Variants in SLC9A1 observed in about 807,000 individuals in gnomAD.
SLC9A1 encodes solute carrier family 9 member A1.
SLC9A1 carries 22 observed loss-of-function variants against 67.9 expected under a neutral mutation model. The ratio of observed to expected loss-of-function variants is 0.32; its 90% CI spans 0.23 to 0.46. SLC9A1 has a LOEUF of 0.46. Among genes scored for constraint, SLC9A1 ranks in the 20% least tolerant of loss-of-function variants. SLC9A1 has a pLI of 1.00. For synonymous variants in SLC9A1, 421 were observed against 471.8 expected, an observed-to-expected ratio of 0.89 and a Z score of 1.40; for missense variants, 686 against 1,094.8, an observed-to-expected ratio of 0.63 and a Z score of 5.27.
chr1:27,153,702 C>T (rs143245196), intron 1 of SLC9A1, among the ~76,000 whole-genome samples: 27 of 152,318 alleles, frequency 1.8e-4, no homozygotes, highest in African/African-American at 4.3e-4. Flanking sequence ...ACTTGCCAGT[C>T]GTGGAAGCCT....
intron 1 of SLC9A1, among the ~76,000 whole-genome samples, chr1:27,117,034 G>A (rs1213814709): frequency 3.9e-5 from 6 of 151,954 alleles, no homozygotes; most frequent in African/African-American, 1.5e-4. Flanking sequence ...GGAATCTTCT[G>A]GTGCTTCCCT....
At position 27,114,101 on chromosome 1, in the gene SLC9A1, G is replaced by T; in HGVS notation, c.538C>A (p.Arg180=). The change falls in exon 2 of 12, where the codon CGG becomes AGG. Residue 180 remains arginine, a synonymous_variant. Transcript: ENST00000263980. The surrounding 1 kb of genome is among the most constrained non-coding windows in gnomAD (Gnocchi z 5.4). Reference sequence around the variant, plus strand: ...GTGCCCAGGTTTTCTGTGAACTGCCGCAGTGGCAGGAAGTAGCCCGCATCC... The same window carrying T: ...GTGCCCAGGTTTTCTGTGAACTGCCTCAGTGGCAGGAAGTAGCCCGCATCC... ...ILDAGYFLPL[R]QFTENLGTIL... is the part of the protein sequence containing the mutation. 6.2e-7 allele frequency: 1 copy of T among 1,614,158 alleles called. No homozygotes were observed. Among genetic ancestry groups the T allele is most frequent in the African/African-American group, 1.3e-5 (1 of 75,054 alleles).
At chr1:27,125,307 G>A (rs377387008) in intron 1 of SLC9A1, among the ~76,000 whole-genome samples, 59 of 133,894 alleles carry the variant, frequency 4.4e-4, no homozygotes, top group African/African-American at 1.5e-3. Flanking sequence ...GTGCAGTGGC[G>A]CAATCTTGGC....
chr1:27,121,400 C>T (rs2083303512), intron 1 of SLC9A1, among the ~76,000 whole-genome samples: 1 of 152,158 alleles, frequency 6.6e-6, no homozygotes, highest in South Asian at 2.1e-4. Flanking sequence ...ATGAGCTTTG[C>T]GTAAATCACT....
chr1:27,108,737 G>A (rs946020162), intron 3 of SLC9A1, among the ~76,000 whole-genome samples: 9 of 152,152 alleles, frequency 5.9e-5, no homozygotes, highest in African/African-American at 2.2e-4. Flanking sequence ...CTGCCTGCAG[G>A]CAGCAAAGCC....
chr1:27,154,318 C>T lies in SLC9A1; in HGVS notation c.17G>A (p.Gly6Asp). ...CCGATGTGGAGAGAGGCCACAGATGCCAGACCGCAGAACCATGGTGCTGCT... is the reference window on the plus strand; with the variant it reads ...CCGATGTGGAGAGAGGCCACAGATGTCAGACCGCAGAACCATGGTGCTGCT... MVLRS[G>D]ICGLSPHRIF... Residue 6 changes from glycine to aspartate, a missense_variant, in exon 1 of 12, where the codon GGC becomes GAC. Physicochemically the swap from Gly to Asp is moderately conservative, Grantham distance 94 (BLOSUM62 -1). Coordinates refer to ENST00000263980, the MANE Select transcript of SLC9A1 (RefSeq NM_003047.5). 6.3e-7 allele frequency: 1 copy of T among 1,595,250 alleles called. No individual in the cohort carries two copies. Among genetic ancestry groups the T allele is most frequent in the Non-Finnish European group, 8.6e-7 (1 of 1,168,754 alleles).
chr1:27,101,919 G>T lies in SLC9A1; in HGVS notation c.1936-93C>A. The T allele has an allele frequency of 7.1e-7, 1 of 1,413,008 alleles. No homozygotes were observed. Among genetic ancestry groups the T allele is most frequent in the Non-Finnish European group, 1.0e-6 (1 of 1,002,116 alleles). 87.5% of individuals were successfully genotyped at this position (1,413,008 alleles called of 1,614,324 possible). A position where few individuals can be genotyped will look rare whatever the true frequency, so the allele number is the denominator to read the frequency against. ...GTGCTGGAGGCCGGGCCAGTCCTGG[G>T]GTGGGTGCCGAGGGGCACGGGCAGG... On this transcript the variant is annotated intron_variant, in intron 9 of 11. Coordinates refer to ENST00000263980, the MANE Select transcript of SLC9A1 (RefSeq NM_003047.5). The surrounding 1 kb of genome is among the most constrained non-coding windows in gnomAD (Gnocchi z 4.9).
At chr1:27,113,706 G>T in intron 2 of SLC9A1, 120 bp downstream of exon 2, 2 of 773,224 alleles carry the variant, frequency 2.6e-6, no homozygotes, top group Non-Finnish European at 4.3e-6. Context: ...CATACGGGAA[G>T]CGGGAATGTG....
At chr1:27,132,357 G>T (rs549629523) in intron 1 of SLC9A1, among the ~76,000 whole-genome samples, 11 of 152,234 alleles carry the variant, frequency 7.2e-5, no homozygotes, top group African/African-American at 2.6e-4. Flanking sequence ...CTTTCAGGAA[G>T]TGACACTCTG....
chr1:27,135,525 G>GGAA (rs1553119965), intron 1 of SLC9A1, among the ~76,000 whole-genome samples: 4 of 110,016 alleles, frequency 3.6e-5, no homozygotes, highest in African/African-American at 1.0e-4. Flanking sequence ...CTTTTTTCTG[G>GGAA]AAAAAAAAAA....
At chr1:27,150,375 C>T (rs1022257066) in intron 1 of SLC9A1, among the ~76,000 whole-genome samples, 3 of 152,206 alleles carry the variant, frequency 2.0e-5, no homozygotes, top group Admixed American at 6.5e-5. Flanking sequence ...GCTCCCGGGC[C>T]TCTGCCAGGC....
chr1:27,132,170 A>G (rs2083390762), intron 1 of SLC9A1, among the ~76,000 whole-genome samples: 1 of 151,846 alleles, frequency 6.6e-6, no homozygotes, highest in Non-Finnish European at 1.5e-5. Context: ...TCCTCATACG[A>G]GCCACAGAGA....
intron 1 of SLC9A1, among the ~76,000 whole-genome samples, chr1:27,147,611 T>A (rs1258810279): frequency 6.6e-6 from 1 of 152,062 alleles, no homozygotes; most frequent in African/African-American, 2.4e-5. Context: ...AAAACCAGCC[T>A]GGACAACAAA....
chr1:27,100,220 G>C lies in SLC9A1; in HGVS notation c.*87C>G. On this transcript the variant is annotated 3_prime_UTR_variant, in exon 12 of 12. Transcript: ENST00000263980. This position sits in a 1 kb window ranked among gnomAD's most constrained non-coding sequence, Gnocchi z 5.6. The stretch of plus-strand genomic sequence containing the variant: ...AGGGGGAGGGGCAGGGCCAATCCGG[G>C]TCAGGAAGGGCAAGGGGAGCCCCCA... 9.7e-7 allele frequency: 1 copy of C among 1,034,200 alleles called. No homozygotes were observed. Among genetic ancestry groups the C allele is most frequent in the Non-Finnish European group, 1.4e-6 (1 of 734,632 alleles). The allele number at this position is 1,034,200 out of a possible 1,614,324, so 64.1% of individuals were successfully genotyped here. A position where few individuals can be genotyped will look rare whatever the true frequency, so the allele number is the denominator to read the frequency against.
intron 1 of SLC9A1, among the ~76,000 whole-genome samples, chr1:27,129,497 AG>A (rs1221492610): frequency 6.6e-6 from 1 of 152,202 alleles, no homozygotes; most frequent in African/African-American, 2.4e-5. Flanking sequence ...TCCTGGTGCC[AG>A]GAAGGCCCAG....
chr1:27,153,484 G>C (rs1458555391), intron 1 of SLC9A1, among the ~76,000 whole-genome samples: 4 of 152,170 alleles, frequency 2.6e-5, no homozygotes, highest in Admixed American at 2.6e-4. Flanking sequence ...TAAGTTTCCT[G>C]TGCCCAGGTC....
chr1:27,117,854 C>T (rs928662402), intron 1 of SLC9A1, among the ~76,000 whole-genome samples: 78 of 152,234 alleles, frequency 5.1e-4, no homozygotes, highest in African/African-American at 1.8e-3. Flanking sequence ...AGTCAAAGCT[C>T]GGTATTTTCT....
Position 27,107,707 on chromosome 1 carries a change from TG to T in SLC9A1, c.1222del (p.His408ThrfsTer25). ...LGVSTVAGSH[H>X]WNWTFVISTL... ...GCTGATGACGAAGGTCCAGTTCCAGTGGTGGGAGCCGGCCACCGTGGAGACG... is the reference window on the plus strand; with the variant it reads ...GCTGATGACGAAGGTCCAGTTCCAGTGTGGGAGCCGGCCACCGTGGAGACG... On this transcript the variant is annotated frameshift_variant, in exon 4 of 12. Coordinates refer to ENST00000263980, the MANE Select transcript of SLC9A1 (RefSeq NM_003047.5). LOFTEE classifies it high-confidence loss of function. 6.3e-7 allele frequency: 1 copy of T among 1,575,816 alleles called. No homozygotes were observed. Among genetic ancestry groups the T allele is most frequent in the Non-Finnish European group, 8.6e-7 (1 of 1,161,382 alleles).
Position 27,154,452 on chromosome 1 carries a change from T to C in SLC9A1, c.-118A>G. ...TGGCGTAGTCTCTAGGAAAAGTTCA[T>C]GTTTTAGAGAGGCATTTCCATGGAA... On this transcript the variant is annotated 5_prime_UTR_variant, in exon 1 of 12. The change abolishes an upstream ATG in the 5' untranslated region. Transcript: ENST00000263980. 1.6e-6 allele frequency: 1 copy of C among 608,592 alleles called. No homozygotes were observed. The highest frequency in any genetic ancestry group is 2.7e-6 in the Non-Finnish European group (1 of 371,568). The allele number at this position is 608,592 out of a possible 1,614,324, so 37.7% of individuals were successfully genotyped here.
Sources: allele counts gnomAD v4.1 joint callset (sites outside exome capture counted in the v4.1 genomes callset), GRCh38; gene constraint gnomAD v4.1.1; non-coding constraint Gnocchi (gnomAD v3.1); transcripts MANE v1.5; gene names NCBI Gene and HGNC (gene_info 2026-07-23, HGNC 2026-07-21).